Variants in HNRNPC observed in about 807,000 individuals in gnomAD.
HNRNPC encodes the protein heterogeneous nuclear ribonucleoproteins C1/C2.
A neutral mutation model predicts 33.2 loss-of-function variants in HNRNPC; 3 were observed. That is an observed-to-expected ratio of 0.09 (90% CI 0.04 to 0.23). The LOEUF is 0.23. Ranked by LOEUF, HNRNPC falls within the 10% of genes least tolerant of loss-of-function variation. The pLI is 1.00. For missense variants in HNRNPC, 143 were observed against 366.7 expected (o/e 0.39, Z 4.98); for synonymous variants, 121 against 126.7 (o/e 0.96, Z 0.30).
At chr14:21,244,200 G>A (rs1432099475) in intron 2 of HNRNPC, among the ~76,000 whole-genome samples, 1 of 152,118 alleles carries the variant, frequency 6.6e-6, no homozygotes, top group Non-Finnish European at 1.5e-5. Context: ...GTTTCACCAT[G>A]TTGACCATAG....
intron 5 of HNRNPC, among the ~76,000 whole-genome samples, chr14:21,220,681 C>T (rs1892729483): frequency 6.6e-6 from 1 of 151,998 alleles, no homozygotes; most frequent in African/African-American, 2.4e-5. Context: ...CAAACCGAAC[C>T]CTATCTATGT....
At chr14:21,215,638 T>A (rs1025605629) in intron 5 of HNRNPC, among the ~76,000 whole-genome samples, 1 of 152,212 alleles carries the variant, frequency 6.6e-6, no homozygotes, top group African/African-American at 2.4e-5. Context: ...TGGAGGCTCA[T>A]GCCTGTAATC....
At chr14:21,239,292 C>A (rs1354050377) in intron 2 of HNRNPC, among the ~76,000 whole-genome samples, 2 of 151,976 alleles carry the variant, frequency 1.3e-5, no homozygotes. Flanking sequence ...TCCTAGCTAA[C>A]ATGGTGAAAC....
chr14:21,234,318 G>C, intron 2 of HNRNPC, 89 bp from the exon 3 acceptor site: 2 of 1,207,212 alleles, frequency 1.7e-6, no homozygotes, highest in Non-Finnish European at 2.3e-6. Context: ...CTGAATCACT[G>C]TTAACTGCCC....
intron 5 of HNRNPC, among the ~76,000 whole-genome samples, chr14:21,214,965 G>T (rs962825513): frequency 6.6e-6 from 1 of 152,076 alleles, no homozygotes; most frequent in Non-Finnish European, 1.5e-5. Flanking sequence ...AACCTTCACC[G>T]GCACCCGTAT....
At chr14:21,226,327 GAA>G (rs374686866) in intron 5 of HNRNPC, among the ~76,000 whole-genome samples, 43,117 of 110,728 alleles carry the variant, frequency 0.39, 6,592 homozygotes, top group Admixed American at 0.45. Flanking sequence ...GTTTCCAAAA[GAA>G]AAAAAAAAAA....
intron 2 of HNRNPC, among the ~76,000 whole-genome samples, chr14:21,235,465 A>AG (rs1894598443): frequency 6.6e-6 from 1 of 152,224 alleles, no homozygotes. Flanking sequence ...TAATACAGTC[A>AG]TTTAACAGGC....
In HNRNPC at chr14:21,211,479, C is replaced by G. The variant is rs774160856; in HGVS notation, c.725G>C (p.Gly242Ala). ...DETNVKMESE[G>A]GADDSAEEGD... ...CTCCTCAGCAGAGTCATCTGCACCC[C>G]CCTCAGACTCCATCTTCACATTAGT... The change falls in exon 8 of 9, where the codon GGG becomes GCG. Residue 242 changes from glycine to alanine, a missense_variant. Around this residue, in one of 2 missense-constraint regions of HNRNPC, gnomAD observed 131 missense variants for 253.0 expected, o/e 0.52. Coordinates refer to ENST00000553300, the MANE Select transcript of HNRNPC (RefSeq NM_004500.4). 5.6e-6 allele frequency: 9 copies of G among 1,613,066 alleles called. No individual in the cohort carries two copies. The highest frequency in any genetic ancestry group is 1.7e-5 in the Admixed American group (1 of 59,928).
intron 2 of HNRNPC, chr14:21,236,414 G>C (rs2139673736): frequency 6.6e-6 from 1 of 152,302 alleles, no homozygotes; most frequent in Non-Finnish European, 1.5e-5. Context: ...AGTAAAGACA[G>C]ACGTACTCAC....
chr14:21,244,664 T>C (rs1285571784), intron 2 of HNRNPC, among the ~76,000 whole-genome samples: 1 of 152,212 alleles, frequency 6.6e-6, no homozygotes, highest in Non-Finnish European at 1.5e-5. Context: ...GCATGAGAAT[T>C]GTATCGTTAT....
chr14:21,226,057 C>G (rs1668000100), intron 5 of HNRNPC, among the ~76,000 whole-genome samples: 1 of 151,796 alleles, frequency 6.6e-6, no homozygotes. Context: ...GTGGCTCATA[C>G]CTGTAATCCC....
chr14:21,246,891 A>G (rs1375042448), intron 2 of HNRNPC, among the ~76,000 whole-genome samples: 1 of 152,252 alleles, frequency 6.6e-6, no homozygotes, highest in Non-Finnish European at 1.5e-5. Context: ...TAACAAAGTC[A>G]ATATATCTTC....
chr14:21,249,086 A>G (rs1896325557), intron 2 of HNRNPC, among the ~76,000 whole-genome samples: 1 of 152,228 alleles, frequency 6.6e-6, no homozygotes, highest in African/African-American at 2.4e-5. Flanking sequence ...GAGTTTTTTA[A>G]ATTTTTCTCA....
chr14:21,232,467 T>C (rs1894221331), intron 3 of HNRNPC, among the ~76,000 whole-genome samples: 1 of 151,936 alleles, frequency 6.6e-6, no homozygotes, highest in Admixed American at 6.6e-5. Context: ...CCTCCCGGGT[T>C]CAAGCAATTC....
intron 2 of HNRNPC, among the ~76,000 whole-genome samples, chr14:21,261,331 G>A (rs912520794): frequency 5.3e-5 from 8 of 152,098 alleles, no homozygotes; most frequent in Admixed American, 2.0e-4. Context: ...TGAACCTATA[G>A]TGAACAGCTT....
intron 2 of HNRNPC, among the ~76,000 whole-genome samples, chr14:21,243,909 T>C (rs1486753814): frequency 6.6e-6 from 1 of 152,188 alleles, no homozygotes; most frequent in East Asian, 1.9e-4. Flanking sequence ...TATACATATA[T>C]ATATACCTGT....
At chr14:21,246,497 C>A (rs533014485) in intron 2 of HNRNPC, among the ~76,000 whole-genome samples, 1 of 149,856 alleles carries the variant, frequency 6.7e-6, no homozygotes, top group Admixed American at 6.7e-5. Context: ...ACCCGGGAGG[C>A]AGAGCTTGCA....
At chr14:21,237,065 A>T (rs1230636981) in intron 2 of HNRNPC, among the ~76,000 whole-genome samples, 6 of 152,214 alleles carry the variant, frequency 3.9e-5, no homozygotes, top group Non-Finnish European at 5.9e-5. Context: ...GTTAAAACTT[A>T]GAAGTTTCAC....
intron 2 of HNRNPC, among the ~76,000 whole-genome samples, chr14:21,237,699 A>C (rs1894860851): frequency 6.6e-6 from 1 of 152,174 alleles, no homozygotes; most frequent in South Asian, 2.1e-4. Flanking sequence ...CAGTTCTTTC[A>C]TGTAACAGGT....
Sources: gnomAD v4.1 joint callset for allele counts (sites outside exome capture counted in the v4.1 genomes callset) on GRCh38, gnomAD v4.1.1 for gene constraint, gnomAD v4.1.1 regional missense constraint, MANE v1.5 for transcripts, NCBI Gene and HGNC (gene_info 2026-07-23, HGNC 2026-07-21) for gene names.